Variants in STAG1 observed in about 807,000 individuals in gnomAD.
STAG1 encodes cohesin subunit SA-1.
In STAG1, 26 loss-of-function variants were observed where a neutral mutation model predicts 170.9. The ratio of observed to expected loss-of-function variants is 0.15; its 90% CI spans 0.11 to 0.21. STAG1 has a LOEUF of 0.21. Ranked by LOEUF, STAG1 falls within the 10% of genes least tolerant of loss-of-function variation. The pLI, the probability that STAG1 is intolerant of heterozygous loss-of-function variation, is 1.00. For synonymous variants in STAG1, 514 were observed against 497.7 expected (o/e 1.03, Z -0.44); for missense variants, 964 against 1,509.5 (o/e 0.64, Z 5.99).
At chr3:136,565,011 A>AGGCAGGCAGGC (rs1553746574) in intron 5 of STAG1, among the ~76,000 whole-genome samples, 1 of 45,450 alleles carries the variant, frequency 2.2e-5, no homozygotes, top group African/African-American at 1.3e-4. Flanking sequence ...GGAAGGAAGG[A>AGGCAGGCAGGC]AGGCAGGCAG....
At chr3:136,554,727 TAAAAAAG>T in intron 5 of STAG1, among the ~76,000 whole-genome samples, 2 of 151,906 alleles carry the variant, frequency 1.3e-5, no homozygotes, top group Non-Finnish European at 2.9e-5. Flanking sequence ...ACCTTGTCTC[TAAAAAAG>T]AAAAAAGAAA....
At chr3:136,750,890 A>G (rs1178124590) in intron 1 of STAG1, among the ~76,000 whole-genome samples, 1 of 152,240 alleles carries the variant, frequency 6.6e-6, no homozygotes, top group Non-Finnish European at 1.5e-5. Context: ...ATTACCATAC[A>G]ATAAACAAGT....
intron 1 of STAG1, among the ~76,000 whole-genome samples, chr3:136,744,036 A>C (rs1253459212): frequency 6.6e-6 from 1 of 152,252 alleles, no homozygotes; most frequent in African/African-American, 2.4e-5. Context: ...GTACAAAAAT[A>C]CAAGGATTTT....
chr3:136,615,422 T>C lies in STAG1; in HGVS notation c.132+7724A>G, dbSNP rs1368555076. Among the ~76,000 whole-genome samples the C allele has an allele frequency of 4.5e-4, 12 of 26,698 alleles. No homozygotes were observed. In the East Asian group the frequency reaches 0.028, roughly 62 times the overall value. 17.5% of individuals were successfully genotyped at this position (26,698 alleles called of 152,430 possible). A position where few individuals can be genotyped will look rare whatever the true frequency, so the allele number is the denominator to read the frequency against. ...CAGCCTGGGTGACAACAAGACTTTG[T>C]CCAAAAAAAAAAAAAAAAAAAAAAA... On this transcript the variant is annotated intron_variant, in intron 3 of 33. Transcript: ENST00000383202.
At chr3:136,498,300 CACACACAT>C (rs1260331673) in intron 9 of STAG1, among the ~76,000 whole-genome samples, 27 of 140,510 alleles carry the variant, frequency 1.9e-4, no homozygotes, top group Non-Finnish European at 3.4e-4. Flanking sequence ...CACACACACA[CACACACAT>C]ATATATACAC....
intron 1 of STAG1, among the ~76,000 whole-genome samples, chr3:136,638,130 CTTTTTTT>C (rs34896224): frequency 7.0e-6 from 1 of 142,386 alleles, no homozygotes; most frequent in African/African-American, 2.6e-5. Flanking sequence ...GCTGCATTTT[CTTTTTTT>C]TTTTTTGAGA....
rs142424176 is a variant in STAG1, at chr3:136,386,738, T to C, written c.2278-8986A>G. Among the ~76,000 whole-genome samples, 11 of 152,230 alleles carry C rather than the reference T, an allele frequency of 7.2e-5. No individual in the cohort carries two copies. The East Asian group carries it at 2.1e-3, about 29-fold the overall frequency. ...TTTTTGTAGAGACCAGGTACCACCA[T>C]GTTGCCCAGGCTTTGTTCCAAAATT... is the stretch of plus-strand genomic sequence containing the variant. On this transcript the variant is annotated intron_variant, in intron 22 of 33. Transcript: ENST00000383202.
At position 136,343,944 on chromosome 3, in the gene STAG1, G is replaced by A; in HGVS notation, c.3334C>T (p.Leu1112=). The A allele has an allele frequency of 1.2e-6, 2 of 1,611,966 alleles. No homozygotes were observed. The highest frequency in any genetic ancestry group is 2.2e-5 in the East Asian group (1 of 44,644). ...GTGGATGTGAGTTGTGGTGCTGGCA[G>A]GGGGCCAGGAGTCTGAATCATGGTG... is the stretch of plus-strand genomic sequence containing the variant. ...TDTMIQTPGP[L]PAPQLTSTVL... The change falls in exon 30 of 34, where the codon CTG becomes TTG. Residue 1112 remains leucine (L), a synonymous_variant. Transcript: ENST00000383202.
intron 1 of STAG1, among the ~76,000 whole-genome samples, chr3:136,663,339 A>T (rs1264660804): frequency 6.6e-6 from 1 of 152,204 alleles, no homozygotes; most frequent in Non-Finnish European, 1.5e-5. Flanking sequence ...AGTAGATATT[A>T]CTATTCCTAC....
chr3:136,714,834 G>C (rs946401085), intron 1 of STAG1, among the ~76,000 whole-genome samples: 7 of 147,440 alleles, frequency 4.7e-5, no homozygotes, highest in African/African-American at 1.7e-4. Flanking sequence ...ACTTGAACCT[G>C]GGAGGTCAAG....
At chr3:136,627,327 C>T (rs1280133660) in intron 2 of STAG1, among the ~76,000 whole-genome samples, 1 of 152,186 alleles carries the variant, frequency 6.6e-6, no homozygotes, top group East Asian at 1.9e-4. Flanking sequence ...CTCATCCTAA[C>T]TCTGAATCCC....
intron 1 of STAG1, among the ~76,000 whole-genome samples, chr3:136,701,410 G>C (rs1419140399): frequency 6.6e-6 from 1 of 152,052 alleles, no homozygotes; most frequent in East Asian, 1.9e-4. Context: ...CCTCGTGTGT[G>C]TGTGTGTATA....
chr3:136,344,377 A>G (rs1028554337), intron 29 of STAG1, among the ~76,000 whole-genome samples: 1 of 152,078 alleles, frequency 6.6e-6, no homozygotes, highest in African/African-American at 2.4e-5. Context: ...TTCTTTGTTC[A>G]AGCAATAAAG....
intron 28 of STAG1, among the ~76,000 whole-genome samples, chr3:136,354,332 G>A (rs566637813): frequency 3.3e-5 from 5 of 152,242 alleles, no homozygotes; most frequent in East Asian, 3.9e-4. Context: ...GCACTCTATC[G>A]TCCAGGGTGG....
chr3:136,400,339 T>C (rs2108343990), intron 21 of STAG1, among the ~76,000 whole-genome samples: 1 of 152,122 alleles, frequency 6.6e-6, no homozygotes, highest in Middle Eastern at 3.4e-3. Context: ...ACAATTCTCC[T>C]ACCTCAGCCT....
chr3:136,410,068 TAAAAAAAAA>T (rs766763989), intron 21 of STAG1, among the ~76,000 whole-genome samples: 4 of 93,082 alleles, frequency 4.3e-5, no homozygotes, highest in African/African-American at 1.7e-4. Flanking sequence ...AGTCCTTGTC[TAAAAAAAAA>T]AAAAAAAAAA....
At chr3:136,357,079 C>T (rs920651934) in intron 28 of STAG1, among the ~76,000 whole-genome samples, 3 of 152,104 alleles carry the variant, frequency 2.0e-5, no homozygotes, top group East Asian at 1.9e-4. Context: ...TCCTGAGTAG[C>T]TGGGACTACA....
chr3:136,514,539 T>C (rs763609778), intron 7 of STAG1, among the ~76,000 whole-genome samples: 2 of 152,212 alleles, frequency 1.3e-5, no homozygotes, highest in African/African-American at 2.4e-5. Context: ...AAATATCATT[T>C]GACCCAGCGA....
chr3:136,367,907 A>G (rs1263450187), intron 24 of STAG1, among the ~76,000 whole-genome samples: 2 of 152,182 alleles, frequency 1.3e-5, no homozygotes, highest in Non-Finnish European at 2.9e-5. Flanking sequence ...CATGCCAACA[A>G]GACTCCAGAT....
Sources: allele counts gnomAD v4.1 joint callset (sites outside exome capture counted in the v4.1 genomes callset), GRCh38; gene constraint gnomAD v4.1.1; transcripts MANE v1.5; gene names NCBI Gene and HGNC (gene_info 2026-07-23, HGNC 2026-07-21).